The following NR2C2 variants were observed in gnomAD, a reference collection of about 807,000 sequenced individuals.
NR2C2 encodes nuclear receptor subfamily 2 group C member 2.
In NR2C2, 6 loss-of-function variants were observed where a neutral mutation model predicts 62.9. The ratio of observed to expected loss-of-function variants is 0.10; its 90% CI spans 0.05 to 0.19. The LOEUF (loss-of-function observed/expected upper bound fraction) is 0.19. NR2C2 is among the 10% of genes least tolerant of loss of function. The pLI, the probability that NR2C2 is intolerant of heterozygous loss-of-function variation, is 1.00. For missense variants in NR2C2, 479 were observed against 762.7 expected (o/e 0.63, Z 4.38); for synonymous variants, 272 against 273.8 (o/e 0.99, Z 0.07).
intron 12 of NR2C2, 21 bp from the exon 13 acceptor site, chr3:15,039,101 G>GGC (rs768347738): frequency 6.4e-7 from 1 of 1,571,820 alleles, no homozygotes; most frequent in African/African-American, 1.4e-5. Context: ...GAACTGGGGG[G>GGC]GGGTACTTTT....
chr3:14,950,724 G>A (rs1048098186), intron 1 of NR2C2, among the ~76,000 whole-genome samples: 1 of 152,190 alleles, frequency 6.6e-6, no homozygotes, highest in Non-Finnish European at 1.5e-5. Context: ...AGCTGTGAGA[G>A]CAGGAATACA....
At position 14,978,800 on chromosome 3, in the gene NR2C2, T is replaced by C. The variant is rs143925939; in HGVS notation, c.-39-25076T>C. On this transcript the variant is annotated intron_variant, in intron 1 of 13. Transcript: ENST00000425241. Reference sequence around the variant, plus strand: ...TGAAGATGTGTTTGATGTCTCAGGGTCTGGGACCTCTTTGGTTCACTCTTT... The same window carrying C: ...TGAAGATGTGTTTGATGTCTCAGGGCCTGGGACCTCTTTGGTTCACTCTTT... Among the ~76,000 whole-genome samples, 243 of 152,244 alleles carry C rather than the reference T, an allele frequency of 1.6e-3. 2 individuals carry two copies. The highest frequency in any genetic ancestry group is 5.5e-3 in the African/African-American group (228 of 41,524).
intron 2 of NR2C2, chr3:15,004,430 C>A: frequency 2.3e-6 from 2 of 869,440 alleles, no homozygotes; most frequent in Non-Finnish European, 3.3e-6. Context: ...AGGGATATTG[C>A]TTATAAAGTG....
chr3:14,990,079 G>A (rs1391996328), intron 1 of NR2C2, among the ~76,000 whole-genome samples: 1 of 152,174 alleles, frequency 6.6e-6, no homozygotes, highest in Non-Finnish European at 1.5e-5. Flanking sequence ...ACTGCAGCCT[G>A]AGTGACAGAG....
intron 1 of NR2C2, among the ~76,000 whole-genome samples, chr3:14,991,769 T>C (rs1422841040): frequency 8.0e-6 from 1 of 125,570 alleles, no homozygotes; most frequent in Admixed American, 8.4e-5. Flanking sequence ...TTTCTTTTTC[T>C]TTTTTTTTTT....
At chr3:15,038,788 A>G (rs565277052) in intron 12 of NR2C2, 1 of 207,824 alleles carries the variant, frequency 4.8e-6, no homozygotes, top group African/African-American at 2.3e-5. Context: ...ATAATTATTT[A>G]GAAAGTAAAT....
At chr3:14,955,796 C>G (rs1333490021) in intron 1 of NR2C2, among the ~76,000 whole-genome samples, 1 of 151,076 alleles carries the variant, frequency 6.6e-6, no homozygotes, top group African/African-American at 2.4e-5. Flanking sequence ...CACTTGGGCT[C>G]TTGGTAGGAT....
chr3:15,024,106 C>CT lies in NR2C2; in HGVS notation c.705-7dup, dbSNP rs1208667951. 6.2e-7 allele frequency: 1 copy of CT among 1,604,230 alleles called. No individual in the cohort carries two copies. The highest frequency in any genetic ancestry group is 1.7e-5 in the Admixed American group (1 of 59,580). ...GAAGCTACTCTGAGTTTCTTTATGT[C>CT]TTAAATAGACAAACAGGTCTTCTTG... On this transcript the variant is annotated splice_polypyrimidine_tract_variant and intron_variant, in intron 6 of 13. Transcript: ENST00000425241.
Position 15,047,800 on chromosome 3 carries a change from T to TCTAA in NR2C2, c.*4795_*4798dup, listed in dbSNP as rs2042508377. 6.6e-6 allele frequency: 1 copy of TCTAA among 152,274 alleles called. No homozygotes were observed. The highest frequency in any genetic ancestry group is 2.1e-4 in the South Asian group (1 of 4,836). The allele number at this position is 152,274 out of a possible 1,614,324, so 9.4% of individuals were successfully genotyped here. A position where few individuals can be genotyped will look rare whatever the true frequency, so the allele number is the denominator to read the frequency against. ...TAAGCTACAGATCTCAAGTTACTTC[T>TCTAA]CTAACTGTAAGCATGTAAATGACTT... On this transcript the variant is annotated 3_prime_UTR_variant, in exon 14 of 14. Coordinates refer to ENST00000425241, the MANE Select transcript of NR2C2 (RefSeq NM_001291694.2).
At chr3:14,989,465 T>C (rs1185337263) in intron 1 of NR2C2, among the ~76,000 whole-genome samples, 1 of 152,138 alleles carries the variant, frequency 6.6e-6, no homozygotes, top group Non-Finnish European at 1.5e-5. Context: ...GCCTACACTT[T>C]AAGTGAAAGA....
Position 15,023,300 on chromosome 3 carries a change from T to C in NR2C2, c.657T>C (p.Ser219=). 1 of 1,614,138 alleles carries C rather than the reference T, an allele frequency of 6.2e-7. No individual in the cohort carries two copies. Among genetic ancestry groups the C allele is most frequent in the Non-Finnish European group, 8.5e-7 (1 of 1,180,018 alleles). The change falls in exon 6 of 14, where the codon AGT becomes AGC. Residue 219 remains serine, a synonymous_variant. Transcript: ENST00000425241. ...TCTATATCCGGAAAGACCTGAGAAG[T>C]CCCCTGATAGCTACTCCCACGTTTG... ...EKIYIRKDLR[S]PLIATPTFVA... is the part of the protein sequence containing the mutation.
In NR2C2 at chr3:15,039,124, C is replaced by T. The variant is rs747270848; in HGVS notation, c.1513C>T (p.His505Tyr). The T allele has an allele frequency of 6.2e-7, 1 of 1,611,436 alleles. No homozygotes were observed. The highest frequency in any genetic ancestry group is 8.5e-7 in the Non-Finnish European group (1 of 1,178,048). ...LKAIVLFSPD[H>Y]PGLTSTSQIE... ...GGGGGGTACTTTTCTGTTTTCAGAT[C>T]ATCCAGGTTTGACCAGCACAAGCCA... Residue 505 changes from histidine (H) to tyrosine (Y), a missense_variant and splice_region_variant, in exon 13 of 14, where the codon CAT (histidine) becomes TAT (tyrosine). Physicochemically the swap from His to Tyr is moderately conservative, Grantham distance 83. Transcript: ENST00000425241.
At chr3:15,018,969 C>T (rs980160074) in intron 4 of NR2C2, among the ~76,000 whole-genome samples, 3 of 141,832 alleles carry the variant, frequency 2.1e-5, no homozygotes, top group Non-Finnish European at 4.5e-5. Context: ...AAGCCAAGAT[C>T]GCACCACTGC....
intron 8 of NR2C2, among the ~76,000 whole-genome samples, chr3:15,029,091 T>C (rs531380345): frequency 5.3e-5 from 8 of 150,956 alleles, no homozygotes; most frequent in African/African-American, 1.7e-4. Flanking sequence ...ATTTTTCTCA[T>C]CTATATTTTT....
At chr3:14,990,707 A>G (rs1319603442) in intron 1 of NR2C2, among the ~76,000 whole-genome samples, 1 of 152,210 alleles carries the variant, frequency 6.6e-6, no homozygotes, top group Non-Finnish European at 1.5e-5. Context: ...TGTCCTAAAG[A>G]AAACAAGACT....
intron 1 of NR2C2, among the ~76,000 whole-genome samples, chr3:14,983,294 C>T (rs867756352): frequency 2.6e-5 from 4 of 152,080 alleles, no homozygotes; most frequent in Non-Finnish European, 4.4e-5. Context: ...TTCTCTATCT[C>T]CATGAGTTCG....
intron 4 of NR2C2, among the ~76,000 whole-genome samples, chr3:15,018,144 G>A (rs2041563091): frequency 6.6e-6 from 1 of 152,088 alleles, no homozygotes; most frequent in African/African-American, 2.4e-5. Flanking sequence ...GACTATAGGT[G>A]TCTGCCACCA....
chr3:15,004,022 CAGA>C (rs2041096764), intron 2 of NR2C2, 36 bp downstream of exon 2: 1 of 1,557,176 alleles, frequency 6.4e-7, no homozygotes. Context: ...CCTGCCTTTC[CAGA>C]AGAACTCTTT....
intron 1 of NR2C2, among the ~76,000 whole-genome samples, chr3:14,957,385 ACT>A (rs1350363768): frequency 2.0e-5 from 3 of 152,180 alleles, no homozygotes; most frequent in African/African-American, 7.2e-5. Context: ...CACTAAAGAA[ACT>A]CTGGTTGCAA....
Sources: allele counts gnomAD v4.1 joint callset (sites outside exome capture counted in the v4.1 genomes callset), GRCh38; gene constraint gnomAD v4.1.1; transcripts MANE v1.5; gene names NCBI Gene and HGNC (gene_info 2026-07-23, HGNC 2026-07-21).